Variants in HNF4A observed in about 807,000 individuals in gnomAD.
The protein encoded by HNF4A is hepatocyte nuclear factor 4 alpha, also known as hepatocyte nuclear factor 4-alpha.
A neutral mutation model predicts 52.4 loss-of-function variants in HNF4A; 15 were observed. The observed-to-expected ratio is 0.29, with a 90% CI of 0.19 to 0.44. The LOEUF (loss-of-function observed/expected upper bound fraction) is 0.44, where lower values mean the gene tolerates loss of function less well. Among genes scored for constraint, HNF4A ranks in the 20% least tolerant of loss-of-function variants. The pLI is 1.00. For missense variants in HNF4A, 479 were observed against 647.2 expected (o/e 0.74, Z 2.82); for synonymous variants, 280 against 264.4 (o/e 1.06, Z -0.57).
chr20:44,411,120 T>C (rs942999682), intron 3 of HNF4A, among the ~76,000 whole-genome samples: 3 of 152,112 alleles, frequency 2.0e-5, no homozygotes, highest in African/African-American at 7.2e-5. Flanking sequence ...ATTCGGCTCC[T>C]GGCATCAAAA....
At chr20:44,418,289 T>G in intron 5 of HNF4A, 136 bp from the exon 6 acceptor site, 2 of 777,204 alleles carry the variant, frequency 2.6e-6, no homozygotes, top group Non-Finnish European at 4.7e-6. Context: ...GTAGTAGTTT[T>G]ATGATGCCCA....
At chr20:44,369,970 C>A (rs1322259667) in intron 1 of HNF4A, among the ~76,000 whole-genome samples, 2 of 152,128 alleles carry the variant, frequency 1.3e-5, no homozygotes, top group Non-Finnish European at 2.9e-5. Flanking sequence ...GTCTGATGGT[C>A]TCTCGTCTTT....
At chr20:44,410,783 G>A (rs2063570394) in intron 3 of HNF4A, among the ~76,000 whole-genome samples, 1 of 152,066 alleles carries the variant, frequency 6.6e-6, no homozygotes, top group Admixed American at 6.5e-5. Flanking sequence ...GTGGAGTCAG[G>A]TCTAGAACTC....
At chr20:44,403,570 G>C (rs2146349599) in intron 1 of HNF4A, among the ~76,000 whole-genome samples, 1 of 152,222 alleles carries the variant, frequency 6.6e-6, no homozygotes, top group South Asian at 2.1e-4. Context: ...TACATCCTGG[G>C]CTGGTGTCTG....
intron 7 of HNF4A, among the ~76,000 whole-genome samples, chr20:44,420,867 A>T (rs937870158): frequency 6.6e-6 from 1 of 152,074 alleles, no homozygotes; most frequent in African/African-American, 2.4e-5. Context: ...TAAAATGCAA[A>T]TACTTCTCCC....
intron 1 of HNF4A, chr20:44,384,636 G>C (rs898999798): frequency 1.3e-5 from 2 of 152,192 alleles, no homozygotes; most frequent in African/African-American, 4.8e-5. Flanking sequence ...CTTCTGCCCA[G>C]GTGTGACACA....
At chr20:44,375,957 G>A (rs2063080401) in intron 1 of HNF4A, among the ~76,000 whole-genome samples, 2 of 152,044 alleles carry the variant, frequency 1.3e-5, no homozygotes, top group African/African-American at 4.8e-5. Context: ...TAAAAAATAG[G>A]ATTCTAGGGC....
Position 44,429,701 on chromosome 20 carries a change from C to T in HNF4A, c.*36C>T. On this transcript the variant is annotated 3_prime_UTR_variant, in exon 10 of 10. Transcript: ENST00000316099. ...GGGCTTGGGGGCTCCACTGGCTCCCCCCAGCCCCCTAAGAGAGCACCTGGT... is the reference window on the plus strand; with the variant it reads ...GGGCTTGGGGGCTCCACTGGCTCCCTCCAGCCCCCTAAGAGAGCACCTGGT... 1 of 1,609,616 alleles carries T rather than the reference C, an allele frequency of 6.2e-7. No individual in the cohort carries two copies. Among genetic ancestry groups the T allele is most frequent in the Admixed American group, 1.7e-5 (1 of 59,952 alleles).
intron 1 of HNF4A, among the ~76,000 whole-genome samples, chr20:44,390,868 C>G (rs551734044): frequency 6.6e-6 from 1 of 152,220 alleles, no homozygotes; most frequent in South Asian, 2.1e-4. Context: ...TCCAGACGAC[C>G]TCAACAAGGT....
Position 44,401,334 on chromosome 20 carries a change from C to T in HNF4A, c.-39C>T, listed in dbSNP as rs2063404849. 1.9e-6 allele frequency: 3 copies of T among 1,613,388 alleles called. No individual in the cohort carries two copies. Among genetic ancestry groups the T allele is most frequent in the Non-Finnish European group, 2.5e-6 (3 of 1,179,830 alleles). ...GGCGGGGGCCTTCGGGGTGGGCGCC[C>T]AGGGTAGGGCAGGTGGCCGCGGCGT... On this transcript the variant is annotated 5_prime_UTR_variant, in exon 1 of 10. Transcript: ENST00000316099.
chr20:44,385,057 A>ATTTTTTTTTTTTTTTTTTTTTTTTTTTT (rs1491454694), intron 1 of HNF4A, among the ~76,000 whole-genome samples: 3 of 29,936 alleles, frequency 1.0e-4, no homozygotes, highest in African/African-American at 6.6e-4. Flanking sequence ...GAACTCTGTG[A>ATTTTTTTTTTTTTTTTTTTTTTTTTTTT]TCTTTTTTTT....
Position 44,406,771 on chromosome 20 carries a change from T to C in HNF4A, c.290+539T>C, listed in dbSNP as rs2063506823. Among the ~76,000 whole-genome samples the C allele has an allele frequency of 2.0e-5, 3 of 152,378 alleles. No homozygotes were observed. The South Asian group carries it at 6.2e-4, about 32-fold the overall frequency. ...GAGCACTTGTCATGTACAAAGACTG[T>C]GCCCCATCGGCGCATGACTTCATTT... is the stretch of plus-strand genomic sequence containing the variant. On this transcript the variant is annotated intron_variant, in intron 2 of 9. Transcript: ENST00000316099.
chr20:44,393,983 C>T (rs1296859034), intron 1 of HNF4A, among the ~76,000 whole-genome samples: 1 of 152,222 alleles, frequency 6.6e-6, no homozygotes, highest in Admixed American at 6.5e-5. Flanking sequence ...TCCCAAAGTG[C>T]TGATGCCTCC....
intron 1 of HNF4A, among the ~76,000 whole-genome samples, chr20:44,369,752 C>T (rs1441676994): frequency 2.6e-5 from 4 of 152,008 alleles, no homozygotes; most frequent in Admixed American, 2.0e-4. Context: ...CTGCAACCTC[C>T]GCCTCCCAAG....
Position 44,413,723 on chromosome 20 carries a change from A to G in HNF4A, c.415A>G (p.Thr139Ala), listed in dbSNP as rs779271027. The G allele has an allele frequency of 3.1e-6, 5 of 1,613,354 alleles. No homozygotes were observed. Among genetic ancestry groups the G allele is most frequent in the Non-Finnish European group, 4.2e-6 (5 of 1,179,862 alleles). The change falls in exon 4 of 10, where the codon ACT (threonine) becomes GCT (alanine). Residue 139 changes from threonine to alanine, a missense_variant. Thr to Ala is a moderately conservative substitution (Grantham distance 58). Transcript: ENST00000316099. The stretch of plus-strand genomic sequence containing the variant: ...CCAGAATGAGCGGGACCGGATCAGC[A>G]CTCGAAGGTCAAGCTATGAGGACAG...
intron 1 of HNF4A, among the ~76,000 whole-genome samples, chr20:44,405,257 A>T (rs971539737): frequency 2.0e-5 from 3 of 151,908 alleles, no homozygotes; most frequent in Non-Finnish European, 4.4e-5. Context: ...CTATTTTTTT[A>T]AATTTGGAAA....
chr20:44,372,312 C>T (rs558634942), intron 1 of HNF4A, among the ~76,000 whole-genome samples: 6 of 152,364 alleles, frequency 3.9e-5, no homozygotes, highest in Non-Finnish European at 8.8e-5. Flanking sequence ...TTGCTGCTAA[C>T]TCATTCTGCC....
At chr20:44,363,724 T>C (rs2062941893) in intron 1 of HNF4A, among the ~76,000 whole-genome samples, 2 of 148,540 alleles carry the variant, frequency 1.3e-5, no homozygotes, top group African/African-American at 2.5e-5. Flanking sequence ...TTTTTTTTTT[T>C]TTTTGAGACA....
chr20:44,409,758 G>A lies in HNF4A; in HGVS notation c.385+2283G>A, dbSNP rs866340351. On this transcript the variant is annotated intron_variant, in intron 3 of 9. Transcript: ENST00000316099. ...TGGATAATGAACCCTTCAGCCCTAT[G>A]AGTCTCGCTCCTCACTCCCTGACCT... Among the ~76,000 whole-genome samples, 4 of 152,060 alleles carry A rather than the reference G, an allele frequency of 2.6e-5. No individual in the cohort carries two copies. The Middle Eastern group carries it at 0.01, about 396-fold the overall frequency.
Sources: gnomAD v4.1 joint callset for allele counts (sites outside exome capture counted in the v4.1 genomes callset) on GRCh38, gnomAD v4.1.1 for gene constraint, MANE v1.5 for transcripts, NCBI Gene and HGNC (gene_info 2026-07-23, HGNC 2026-07-21) for gene names.